Variants in LYZL4 observed in about 807,000 individuals in gnomAD.
LYZL4 encodes the protein lysozyme-like protein 4.
A neutral mutation model predicts 17.6 loss-of-function variants in LYZL4; 13 were observed. That is an observed-to-expected ratio of 0.74 (90% CI 0.48 to 1.18). The LOEUF (loss-of-function observed/expected upper bound fraction) is 1.18. Among genes scored for constraint, LYZL4 ranks in the 50% most tolerant of loss-of-function variants. LYZL4 has a pLI of 0.00. For missense variants in LYZL4, 174 were observed against 188.2 expected (o/e 0.92, Z 0.44); for synonymous variants, 64 against 67.7 (o/e 0.95, Z 0.27).
chr3:42,376,631 T>C, the LYZL4 span, among the ~76,000 whole-genome samples: 2 of 152,222 alleles, frequency 1.3e-5, no homozygotes, highest in Admixed American at 1.3e-4. Flanking sequence ...AGTGACTCAT[T>C]CTCCAAAGTC....
the LYZL4 span, among the ~76,000 whole-genome samples, chr3:42,385,387 T>C: frequency 1.3e-5 from 2 of 152,196 alleles, no homozygotes; most frequent in Admixed American, 1.3e-4. Context: ...TTGCCTACAG[T>C]ATTCAGTACA....
At chr3:42,379,010 C>T in the LYZL4 span, among the ~76,000 whole-genome samples, 1 of 151,996 alleles carries the variant, frequency 6.6e-6, no homozygotes, top group Non-Finnish European at 1.5e-5. Flanking sequence ...TGCTTGTGAG[C>T]AACAGAAAAG....
chr3:42,400,481 G>T (rs1698635423), intron 4 of LYZL4, among the ~76,000 whole-genome samples: 1 of 152,224 alleles, frequency 6.6e-6, no homozygotes, highest in African/African-American at 2.4e-5. Flanking sequence ...GCTCATAGCA[G>T]AGGGATTTGT....
downstream of LYZL4, among the ~76,000 whole-genome samples, chr3:42,393,377 C>T (rs1435971698): frequency 6.6e-6 from 1 of 151,540 alleles, no homozygotes; most frequent in Non-Finnish European, 1.5e-5. Flanking sequence ...CCAGGCCCTC[C>T]TGGTGGCAGA....
At chr3:42,408,175 C>A (rs2125603885) in intron 1 of LYZL4, among the ~76,000 whole-genome samples, 1 of 152,298 alleles carries the variant, frequency 6.6e-6, no homozygotes, top group African/African-American at 2.4e-5. Flanking sequence ...TGAGGAATGT[C>A]CCCAAAGCAG....
the LYZL4 span, among the ~76,000 whole-genome samples, chr3:42,369,123 T>G: frequency 6.6e-6 from 1 of 152,258 alleles, no homozygotes; most frequent in Non-Finnish European, 1.5e-5. Flanking sequence ...CAAAGCCTAA[T>G]GAAGGTATAG....
At chr3:42,386,045 G>A in the LYZL4 span, among the ~76,000 whole-genome samples, 16 of 152,146 alleles carry the variant, frequency 1.1e-4, no homozygotes, top group African/African-American at 2.9e-4. Flanking sequence ...AGGCTGCACC[G>A]TTCTGATTCC....
At chr3:42,383,693 T>C in the LYZL4 span, among the ~76,000 whole-genome samples, 1 of 151,198 alleles carries the variant, frequency 6.6e-6, no homozygotes, top group East Asian at 1.9e-4. Context: ...CAACATAGGA[T>C]GCTAATAAAA....
At chr3:42,408,567 A>G (rs944625040) in intron 1 of LYZL4, among the ~76,000 whole-genome samples, 2 of 152,070 alleles carry the variant, frequency 1.3e-5, no homozygotes, top group African/African-American at 4.8e-5. Flanking sequence ...TCCATGACAC[A>G]CTGCAGATGA....
the LYZL4 span, among the ~76,000 whole-genome samples, chr3:42,374,174 A>T: frequency 6.6e-6 from 1 of 152,138 alleles, no homozygotes; most frequent in Non-Finnish European, 1.5e-5. Flanking sequence ...CTTGCTTTTC[A>T]TATATCTTAT....
chr3:42,408,659 C>T (rs1023726862), intron 1 of LYZL4, among the ~76,000 whole-genome samples: 1 of 152,126 alleles, frequency 6.6e-6, no homozygotes, highest in African/African-American at 2.4e-5. Flanking sequence ...CCTGGAATAC[C>T]CCATAGCCCC....
the LYZL4 span, among the ~76,000 whole-genome samples, chr3:42,389,034 C>T: frequency 6.6e-6 from 1 of 152,196 alleles, no homozygotes; most frequent in African/African-American, 2.4e-5. Flanking sequence ...AAACGATATT[C>T]ATTAACTTCA....
intron 4 of LYZL4, among the ~76,000 whole-genome samples, chr3:42,397,962 G>A (rs1698584257): frequency 1.3e-5 from 2 of 152,076 alleles, no homozygotes; most frequent in Admixed American, 6.5e-5. Flanking sequence ...TGCAGGGTGG[G>A]GAGTCACTCA....
At chr3:42,402,913 T>C (rs1402649300) in intron 4 of LYZL4, among the ~76,000 whole-genome samples, 1 of 152,164 alleles carries the variant, frequency 6.6e-6, no homozygotes, top group Non-Finnish European at 1.5e-5. Context: ...GAATACTGTA[T>C]AGCAATGAGA....
At chr3:42,375,651 G>A in the LYZL4 span, among the ~76,000 whole-genome samples, 1 of 152,190 alleles carries the variant, frequency 6.6e-6, no homozygotes, top group African/African-American at 2.4e-5. Flanking sequence ...CAGGCTGGGG[G>A]CTGAGGAGGC....
chr3:42,388,123 T>A, the LYZL4 span, among the ~76,000 whole-genome samples: 3 of 152,166 alleles, frequency 2.0e-5, no homozygotes, highest in African/African-American at 7.2e-5. Flanking sequence ...AGCTCATTTG[T>A]GACAGTGGGT....
rs975421444 is a variant in LYZL4 at position 42,406,995 on chromosome 3, A to G, written c.143T>C (p.Val48Ala). ...YFEGYSLENW[V>A]CLAYFESKFN... ...CTTGCTCTCGAAGTAGGCCAGGCACACCCCTAAGATGGAACAGAAGGTGTG... is the reference window on the plus strand; with the variant it reads ...CTTGCTCTCGAAGTAGGCCAGGCACGCCCCTAAGATGGAACAGAAGGTGTG... The change falls in exon 3 of 5, where the codon GTG becomes GCG. Residue 48 changes from valine (V) to alanine (A), a missense_variant. Val to Ala is a moderately conservative substitution (Grantham distance 64, BLOSUM62 0). Transcript: ENST00000287748. 2 of 1,613,996 alleles carry G rather than the reference A, an allele frequency of 1.2e-6. No homozygotes were observed. Among genetic ancestry groups the G allele is most frequent in the African/African-American group, 2.7e-5 (2 of 74,894 alleles).
downstream of LYZL4, among the ~76,000 whole-genome samples, chr3:42,395,122 T>C (rs530207432): frequency 9.8e-5 from 15 of 152,330 alleles, no homozygotes; most frequent in South Asian, 4.2e-4. Flanking sequence ...CAAAACTGTT[T>C]GATTAAGCTC....
chr3:42,393,290 G>C (rs1300150352), downstream of LYZL4, among the ~76,000 whole-genome samples: 2 of 151,976 alleles, frequency 1.3e-5, no homozygotes, highest in African/African-American at 2.4e-5. Context: ...TAAGGGACTT[G>C]GACAGGCTAT....
Sources: allele counts gnomAD v4.1 joint callset (sites outside exome capture counted in the v4.1 genomes callset), GRCh38; gene constraint gnomAD v4.1.1; transcripts MANE v1.5; gene names NCBI Gene and HGNC (gene_info 2026-07-23, HGNC 2026-07-21).